Variants in PNPLA7 observed in about 807,000 individuals in gnomAD.
The protein encoded by PNPLA7 is patatin like domain 7, lysophospholipase.
Under a neutral mutation model 161.7 loss-of-function variants are expected in PNPLA7, and 153 were observed. The ratio of observed to expected loss-of-function variants is 0.95; its 90% CI spans 0.83 to 1.08. The LOEUF (loss-of-function observed/expected upper bound fraction) is 1.08, where lower values mean the gene tolerates loss of function less well. Ranked by LOEUF, PNPLA7 falls within the 50% of genes least tolerant of loss-of-function variation. PNPLA7 has a pLI of 0.00. For synonymous variants in PNPLA7, 809 were observed against 782.1 expected (o/e 1.03, Z -0.57); for missense variants, 1,739 against 1,856.6 (o/e 0.94, Z 1.16).
Position 137,479,119 on chromosome 9 carries a change from G to A in PNPLA7, c.2700C>T (p.Cys900=), listed in dbSNP as rs777333292. 50 of 1,598,494 alleles carry A rather than the reference G, an allele frequency of 3.1e-5. No individual in the cohort carries two copies. The highest frequency in any genetic ancestry group is 4.1e-5 in the Non-Finnish European group (48 of 1,173,844). Residue 900 remains cysteine, a synonymous_variant, in exon 24 of 35, where the codon TGC becomes TGT. Coordinates refer to ENST00000406427, the MANE Select transcript of PNPLA7 (RefSeq NM_001098537.3). ...GGCAGCAGAGGTGCAGGTGGCCGGA[G>A]CACCAGCTCCGCATGTTGAGCCACT... ...TVEWLNMRSW[C]SGHLHLCCPR...
At chr9:137,546,181 C>G (rs1411022544) in intron 4 of PNPLA7, among the ~76,000 whole-genome samples, 1 of 151,972 alleles carries the variant, frequency 6.6e-6, no homozygotes, top group Admixed American at 6.6e-5. Context: ...ATGGCATAAG[C>G]TATCTTTCTC....
rs533145006 is a variant in PNPLA7 at position 137,464,292 on chromosome 9, G to C, written c.3156+48C>G. The C allele has an allele frequency of 6.9e-6, 11 of 1,605,526 alleles. No individual in the cohort carries two copies. The East Asian group carries it at 2.5e-4, about 36-fold the overall frequency. On this transcript the variant is annotated intron_variant, in intron 27 of 34. Coordinates refer to ENST00000406427, the MANE Select transcript of PNPLA7 (RefSeq NM_001098537.3). Reference sequence around the variant, plus strand: ...AGGGCCAAGAGGTGGGGGGCCAGGAGGGGACAGGCACTGGGGGCTGCATGG... The same window carrying C: ...AGGGCCAAGAGGTGGGGGGCCAGGACGGGACAGGCACTGGGGGCTGCATGG...
At chr9:137,539,328 G>A (rs1410759190) in intron 8 of PNPLA7, among the ~76,000 whole-genome samples, 1 of 152,142 alleles carries the variant, frequency 6.6e-6, no homozygotes, top group Non-Finnish European at 1.5e-5. Context: ...GGGCAACAGA[G>A]CGAGACTCCA....
Position 137,542,789 on chromosome 9 carries a change from G to A in PNPLA7, c.519C>T (p.His173=), listed in dbSNP as rs750768817. Residue 173 remains histidine, a synonymous_variant, in exon 7 of 35, where the codon CAC becomes CAT. Transcript: ENST00000406427. ...YMLKNVRVLG[H]FEKPLFLELC... is the part of the protein sequence containing the mutation. ...GCTCCAGGAACAGCGGCTTCTCAAA[G>A]TGGCCCAGGACCCTGCAAGAGCCAG... 5.6e-6 allele frequency: 9 copies of A among 1,613,334 alleles called. No individual in the cohort carries two copies. Among genetic ancestry groups the A allele is most frequent in the Non-Finnish European group, 6.8e-6 (8 of 1,179,712 alleles).
At chr9:137,513,474 C>G (rs1420522294) in intron 12 of PNPLA7, among the ~76,000 whole-genome samples, 8 of 119,314 alleles carry the variant, frequency 6.7e-5, no homozygotes, top group Non-Finnish European at 1.5e-4. Context: ...GAAACTCTGT[C>G]ACAAAAAAAA....
intron 11 of PNPLA7, among the ~76,000 whole-genome samples, chr9:137,516,766 C>G (rs1834595761): frequency 6.6e-6 from 1 of 151,774 alleles, no homozygotes; most frequent in Non-Finnish European, 1.5e-5. Flanking sequence ...GGCAGTGAGC[C>G]AGTACCACAC....
At chr9:137,521,772 C>T in intron 9 of PNPLA7, 56 bp from the exon 10 acceptor site, 1 of 1,479,168 alleles carries the variant, frequency 6.8e-7, no homozygotes, top group Non-Finnish European at 9.3e-7. Context: ...AGGGCGGGCC[C>T]CCGGCAGCAC....
chr9:137,538,820 G>C (rs1174188736), intron 8 of PNPLA7, among the ~76,000 whole-genome samples: 1 of 152,226 alleles, frequency 6.6e-6, no homozygotes, highest in Non-Finnish European at 1.5e-5. Flanking sequence ...GGGAGGCTGA[G>C]GTAGGTGGCT....
chr9:137,463,149 G>C (rs954077327), intron 29 of PNPLA7: 6 of 587,486 alleles, frequency 1.0e-5, no homozygotes, highest in South Asian at 8.3e-5. Flanking sequence ...CCAGTTCCTC[G>C]ACTTGGCCTT....
At chr9:137,463,980 A>G (rs1831342861) in intron 28 of PNPLA7, 146 bp downstream of exon 28, 2 of 914,950 alleles carry the variant, frequency 2.2e-6, no homozygotes, top group African/African-American at 3.3e-5. Context: ...TAGTAGGGGC[A>G]TCCTGTGTCC....
intron 20 of PNPLA7, chr9:137,492,146 C>T (rs1832793411): frequency 9.1e-6 from 9 of 985,106 alleles, no homozygotes; most frequent in Non-Finnish European, 1.1e-5. Context: ...CTAACAGTGG[C>T]TCCAGAAAAA....
rs1831932929 is a variant in PNPLA7, at chr9:137,476,034, G to A, written c.2882+2000C>T. Among the ~76,000 whole-genome samples, 1 of 152,164 alleles carries A rather than the reference G, an allele frequency of 6.6e-6. No homozygotes were observed. Among genetic ancestry groups the A allele is most frequent in the African/African-American group, 2.4e-5 (1 of 41,436 alleles). On this transcript the variant is annotated intron_variant, in intron 25 of 34. Coordinates refer to ENST00000406427, the MANE Select transcript of PNPLA7 (RefSeq NM_001098537.3). The surrounding 1 kb of genome is among the most constrained non-coding windows in gnomAD (Gnocchi z 4.5). Reference sequence around the variant, plus strand: ...ACAGGAAATGGAATTGAACACAGGAGAGAAACAAAGGCAGTTTCCAGGGTG... The same window carrying A: ...ACAGGAAATGGAATTGAACACAGGAAAGAAACAAAGGCAGTTTCCAGGGTG...
chr9:137,544,038 A>G (rs960865057), intron 4 of PNPLA7, among the ~76,000 whole-genome samples: 7 of 152,048 alleles, frequency 4.6e-5, no homozygotes, highest in African/African-American at 1.2e-4. Flanking sequence ...ACTGTCCCCA[A>G]ACAGCCAACC....
At chr9:137,528,757 G>A (rs944176972) in intron 8 of PNPLA7, among the ~76,000 whole-genome samples, 23 of 151,332 alleles carry the variant, frequency 1.5e-4, no homozygotes, top group Admixed American at 1.2e-3. Context: ...CTGGAGTGCA[G>A]TGGTGCGATC....
Position 137,464,342 on chromosome 9 carries a change from C to T in PNPLA7, c.3154G>A (p.Glu1052Lys), listed in dbSNP as rs761498358. The T allele has an allele frequency of 8.7e-6, 14 of 1,613,240 alleles. No homozygotes were observed. The highest frequency in any genetic ancestry group is 2.2e-5 in the East Asian group (1 of 44,872). ...IFSVFKDQQI[E>K]DLWIPYFAIT... The stretch of plus-strand genomic sequence containing the variant: ...GGCTCCTGAGGGTGGGGGTGCACCT[C>T]GATCTGCTGGTCCTTGAAGACGCTG... The change falls in exon 27 of 35, where the codon GAG becomes AAG. Residue 1052 changes from glutamate to lysine, a missense_variant and splice_region_variant. By Grantham distance (56) the Glu-to-Lys change is moderately conservative. Transcript: ENST00000406427.
At chr9:137,526,220 G>A (rs948291966) in intron 8 of PNPLA7, among the ~76,000 whole-genome samples, 5 of 152,198 alleles carry the variant, frequency 3.3e-5, no homozygotes, top group Admixed American at 6.5e-5. Context: ...TCAAGGACAC[G>A]GGAGCCTCAT....
intron 15 of PNPLA7, 66 bp downstream of exon 15, chr9:137,501,584 T>C (rs1833419154): frequency 6.8e-7 from 1 of 1,480,640 alleles, no homozygotes; most frequent in Admixed American, 1.9e-5. Flanking sequence ...CCTCCTCTGG[T>C]GCTCCACTTG....
chr9:137,515,073 G>T (rs911485239), intron 12 of PNPLA7, among the ~76,000 whole-genome samples: 3 of 152,170 alleles, frequency 2.0e-5, no homozygotes, highest in Non-Finnish European at 4.4e-5. Flanking sequence ...CATGCAGGGA[G>T]GGCGGGAAGG....
intron 20 of PNPLA7, among the ~76,000 whole-genome samples, chr9:137,484,962 G>A (rs779223704): frequency 1.3e-5 from 2 of 151,956 alleles, no homozygotes; most frequent in African/African-American, 4.8e-5. Flanking sequence ...TGGACCTTGC[G>A]CCTCCCCAGC....
Sources: allele counts gnomAD v4.1 joint callset (sites outside exome capture counted in the v4.1 genomes callset), GRCh38; gene constraint gnomAD v4.1.1; non-coding constraint Gnocchi (gnomAD v3.1); transcripts MANE v1.5; gene names NCBI Gene and HGNC (gene_info 2026-07-23, HGNC 2026-07-21).